TNS3: variants seen among roughly 807,000 people sequenced by gnomAD.
TNS3 encodes tensin 3.
TNS3 carries 45 observed loss-of-function variants against 140.9 expected under a neutral mutation model. That is an observed-to-expected ratio of 0.32 (90% CI 0.25 to 0.41). The LOEUF (loss-of-function observed/expected upper bound fraction) is 0.41, where lower values mean the gene tolerates loss of function less well. Ranked by LOEUF, TNS3 falls within the 10% of genes least tolerant of loss-of-function variation. The pLI is 1.00. For missense variants in TNS3, 1,716 were observed against 1,906.7 expected (o/e 0.90, Z 1.86); for synonymous variants, 815 against 788.4 (o/e 1.03, Z -0.56).
intron 28 of TNS3, among the ~76,000 whole-genome samples, chr7:47,282,327 C>T (rs1402603961): frequency 2.7e-5 from 4 of 150,896 alleles, no homozygotes; most frequent in Non-Finnish European, 4.4e-5. Flanking sequence ...AGCCATGCCC[C>T]GACCCTGAGT....
intron 1 of TNS3, chr7:47,539,596 C>A: frequency 6.0e-6 from 1 of 166,228 alleles, no homozygotes; most frequent in Non-Finnish European, 1.3e-5. Flanking sequence ...GGCAGTTTCC[C>A]ATTCTCCTTT....
chr7:47,368,598 C>T lies in TNS3; in HGVS notation c.2048G>A (p.Ser683Asn), dbSNP rs544285373. The change falls in exon 17 of 31, where the codon AGC becomes AAC. Residue 683 changes from serine to asparagine, a missense_variant. Ser to Asn is a conservative substitution (Grantham distance 46). Coordinates refer to ENST00000311160, the MANE Select transcript of TNS3 (RefSeq NM_022748.12). ...QVVNGAGPEL[S>N]TGPSPGSPTL... is the part of the protein sequence containing the mutation. ...GGGCGAGCCTGGGGAGGGGCCTGTG[C>T]TCAGCTCTGGGCCGGCTCCATTCAC... is the stretch of plus-strand genomic sequence containing the variant. 3.2e-4 allele frequency: 508 copies of T among 1,581,962 alleles called. 5 individuals are homozygous for T. In the South Asian group the frequency reaches 5.5e-3, roughly 17 times the overall value.
Position 47,530,838 on chromosome 7 carries a change from A to AAATATATATAT in TNS3, c.-264-1692_-264-1691insATATATATATT. On this transcript the variant is annotated intron_variant, in intron 1 of 30. Transcript: ENST00000311160. ...AACTCCATCTCAAAAAAAAAAAAAA[A>AAATATATATAT]ATATATATATATATATATATTTCTA... Among the ~76,000 whole-genome samples the AAATATATATAT allele has an allele frequency of 2.4e-3, 129 of 54,546 alleles. 1 individual carries two copies. The highest frequency in any genetic ancestry group is 6.8e-3 in the African/African-American group (86 of 12,660). The allele number at this position is 54,546 out of a possible 152,430, so 35.8% of individuals were successfully genotyped here. A position where few individuals can be genotyped will look rare whatever the true frequency, so the allele number is the denominator to read the frequency against.
In TNS3 at chr7:47,468,468, C is replaced by A. The variant is rs577649021; in HGVS notation, c.-76+12635G>T. ...AAATAAATAAATAAATAAATAAAAT[C>A]AGTATTTAATGTTCCCCTTCAGTAG... On this transcript the variant is annotated intron_variant, in intron 4 of 30. Transcript: ENST00000311160. Among the ~76,000 whole-genome samples, 4 of 138,132 alleles carry A rather than the reference C, an allele frequency of 2.9e-5. No homozygotes were observed. The South Asian group carries it at 9.5e-4, about 33-fold the overall frequency. 90.6% of individuals were successfully genotyped at this position (138,132 alleles called of 152,430 possible).
chr7:47,426,722 G>A (rs1343865745), intron 9 of TNS3, among the ~76,000 whole-genome samples: 2 of 152,128 alleles, frequency 1.3e-5, no homozygotes, highest in African/African-American at 2.4e-5. Context: ...TACCAAGAGC[G>A]TCAAAGGTGT....
At chr7:47,510,887 T>G (rs972749898) in intron 2 of TNS3, among the ~76,000 whole-genome samples, 1 of 150,638 alleles carries the variant, frequency 6.6e-6, no homozygotes, top group African/African-American at 2.4e-5. Flanking sequence ...AAAAGACTTG[T>G]ACCCATCACC....
chr7:47,539,517 C>T, intron 1 of TNS3: 1 of 252,708 alleles, frequency 4.0e-6, no homozygotes, highest in Non-Finnish European at 7.8e-6. Context: ...GCCAGGCTTG[C>T]AATCTAGGCT....
chr7:47,325,745 T>A (rs1787992388), intron 20 of TNS3, among the ~76,000 whole-genome samples: 1 of 152,162 alleles, frequency 6.6e-6, no homozygotes, highest in Non-Finnish European at 1.5e-5. Context: ...CTTCGAGCCA[T>A]CCCAGACCTG....
chr7:47,408,112 A>T (rs1793546348), intron 13 of TNS3, among the ~76,000 whole-genome samples: 1 of 152,056 alleles, frequency 6.6e-6, no homozygotes, highest in African/African-American at 2.4e-5. Context: ...CCAGGAGGAG[A>T]TGGCAGGCTG....
At chr7:47,567,030 C>CAAAAAAAAAAAAAAA (rs541987899) in intron 1 of TNS3, among the ~76,000 whole-genome samples, 1 of 98,758 alleles carries the variant, frequency 1.0e-5, no homozygotes, top group African/African-American at 4.0e-5. Flanking sequence ...GACTCCATCT[C>CAAAAAAAAAAAAAAA]AAAAAAAAAA....
chr7:47,564,121 G>A (rs1363438845), intron 1 of TNS3, among the ~76,000 whole-genome samples: 2 of 147,394 alleles, frequency 1.4e-5, no homozygotes, highest in Non-Finnish European at 1.5e-5. Context: ...GTGAGCCCGG[G>A]AGGTGGAGCT....
intron 30 of TNS3, 86 bp from the exon 31 acceptor site, chr7:47,278,306 G>A (rs1309124449): frequency 2.7e-6 from 4 of 1,482,002 alleles, no homozygotes; most frequent in East Asian, 2.4e-5. Flanking sequence ...GGCACTGTCA[G>A]GAGGAATTTT....
At position 47,369,593 on chromosome 7, in the gene TNS3, G is replaced by T; in HGVS notation, c.1053C>A (p.Gly351=). 6.3e-7 allele frequency: 1 copy of T among 1,597,438 alleles called. No individual in the cohort carries two copies. Residue 351 remains glycine (G), a synonymous_variant, in exon 17 of 31, where the codon GGC becomes GGA. Transcript: ENST00000311160. ...TCTTCCTCACCTTCGCGTAAAGGCTGCCATCGACAGGGCCCTGCGTGTGTA... is the reference window on the plus strand; with the variant it reads ...TCTTCCTCACCTTCGCGTAAAGGCTTCCATCGACAGGGCCCTGCGTGTGTA... ...EVLHTQGPVD[G]SLYAKVRKKS... is the part of the protein sequence containing the mutation.
Position 47,428,389 on chromosome 7 carries a change from A to G in TNS3, c.325-13T>C. On this transcript the variant is annotated splice_polypyrimidine_tract_variant and intron_variant, in intron 8 of 30. Coordinates refer to ENST00000311160, the MANE Select transcript of TNS3 (RefSeq NM_022748.12). The stretch of plus-strand genomic sequence containing the variant: ...GTCCTTTCCCGCCCTGCAGGAGACA[A>G]AAGATCAGCTGATTTTCTCTGAAAT... 1.4e-6 allele frequency: 2 copies of G among 1,404,210 alleles called. No homozygotes were observed. Among genetic ancestry groups the G allele is most frequent in the Non-Finnish European group, 1.9e-6 (2 of 1,071,322 alleles). The allele number at this position is 1,404,210 out of a possible 1,614,324, so 87.0% of individuals were successfully genotyped here.
At chr7:47,455,121 C>A (rs1458592070) in intron 4 of TNS3, among the ~76,000 whole-genome samples, 1 of 152,138 alleles carries the variant, frequency 6.6e-6, no homozygotes, top group Non-Finnish European at 1.5e-5. Flanking sequence ...CATGGGATGT[C>A]GGGGGTGCTG....
chr7:47,327,895 C>T (rs769654035), intron 20 of TNS3, among the ~76,000 whole-genome samples: 1 of 152,134 alleles, frequency 6.6e-6, no homozygotes, highest in Admixed American at 6.5e-5. Flanking sequence ...CAACTGGATC[C>T]GGGCCAGAGG....
intron 2 of TNS3, among the ~76,000 whole-genome samples, chr7:47,519,816 CTTTTT>C (rs34418629): frequency 6.7e-5 from 5 of 74,832 alleles, no homozygotes; most frequent in African/African-American, 1.1e-4. Flanking sequence ...CCTCACATTT[CTTTTT>C]TTTTTTTTTT....
At chr7:47,442,467 T>C (rs1795514217) in intron 4 of TNS3, among the ~76,000 whole-genome samples, 1 of 152,236 alleles carries the variant, frequency 6.6e-6, no homozygotes, top group Admixed American at 6.5e-5. Context: ...CAGTCATACC[T>C]ACTCTTTTTT....
chr7:47,573,283 T>A (rs1800599819), intron 1 of TNS3, among the ~76,000 whole-genome samples: 1 of 152,190 alleles, frequency 6.6e-6, no homozygotes, highest in South Asian at 2.1e-4. Context: ...GCAAGCCTAT[T>A]CTTCCCTTAT....
Sources: gnomAD v4.1 joint callset for allele counts (sites outside exome capture counted in the v4.1 genomes callset) on GRCh38, gnomAD v4.1.1 for gene constraint, MANE v1.5 for transcripts, NCBI Gene and HGNC (gene_info 2026-07-23, HGNC 2026-07-21) for gene names.